TFAP2D: variants seen among roughly 807,000 people sequenced by gnomAD.
TFAP2D encodes transcription factor AP-2 delta, also known as transcription factor AP-2-delta.
TFAP2D carries 9 observed loss-of-function variants against 43.6 expected under a neutral mutation model. That is an observed-to-expected ratio of 0.21 (90% CI 0.12 to 0.36). TFAP2D has a LOEUF of 0.36. Ranked by LOEUF, TFAP2D falls within the 10% of genes least tolerant of loss-of-function variation. The probability of loss-of-function intolerance (pLI) is 1.00; values close to 1 mark genes in which losing one functional copy is unlikely to be tolerated. For synonymous variants in TFAP2D, 256 were observed against 224.9 expected (o/e 1.14, Z -1.24); for missense variants, 513 against 561.4 (o/e 0.91, Z 0.87).
chr6:50,728,771 G>T, intron 3 of TFAP2D, 85 bp from the exon 4 acceptor site: 1 of 1,386,822 alleles, frequency 7.2e-7, no homozygotes, highest in South Asian at 1.3e-5. Flanking sequence ...CCCAAATCCA[G>T]AATAGTCTTT....
intron 5 of TFAP2D, among the ~76,000 whole-genome samples, chr6:50,734,758 G>T (rs569511989): frequency 6.6e-6 from 1 of 152,036 alleles, no homozygotes; most frequent in Non-Finnish European, 1.5e-5. Flanking sequence ...CTCTAGCTTG[G>T]CAGAGTCTTC....
At chr6:50,716,595 A>C (rs750078716) in intron 2 of TFAP2D, among the ~76,000 whole-genome samples, 27 of 152,334 alleles carry the variant, frequency 1.8e-4, no homozygotes, top group Non-Finnish European at 2.6e-4. Context: ...TCTTTACCAA[A>C]GATAGAATTT....
At chr6:50,742,421 G>A (rs143360839) in intron 5 of TFAP2D, among the ~76,000 whole-genome samples, 11 of 152,146 alleles carry the variant, frequency 7.2e-5, no homozygotes, top group South Asian at 4.2e-4. Flanking sequence ...GGACAGATCC[G>A]CAGGAATCAG....
intron 5 of TFAP2D, among the ~76,000 whole-genome samples, chr6:50,734,787 T>A (rs1768940843): frequency 6.6e-6 from 1 of 152,098 alleles, no homozygotes; most frequent in Admixed American, 6.6e-5. Context: ...AACTCTATCA[T>A]ATATAAAGAA....
At chr6:50,722,491 AAAAG>A (rs1768742216) in intron 3 of TFAP2D, among the ~76,000 whole-genome samples, 1 of 152,188 alleles carries the variant, frequency 6.6e-6, no homozygotes, top group Non-Finnish European at 1.5e-5. Flanking sequence ...AATCATTAAA[AAAAG>A]AAAGAAAATC....
chr6:50,766,654 C>CTTTTTTTTTTATTTTTTTTTTT (rs1769446238), intron 7 of TFAP2D, among the ~76,000 whole-genome samples: 1 of 57,384 alleles, frequency 1.7e-5, no homozygotes, highest in Non-Finnish European at 3.5e-5. Context: ...AGATTGCTTT[C>CTTTTTTTTTTATTTTTTTTTTT]TTTTTTTTTT....
At chr6:50,730,227 C>G (rs114951267) in intron 5 of TFAP2D, among the ~76,000 whole-genome samples, 1 of 152,180 alleles carries the variant, frequency 6.6e-6, no homozygotes, top group South Asian at 2.1e-4. Context: ...ATTTTCAATA[C>G]GTAGCATTTA....
intron 3 of TFAP2D, among the ~76,000 whole-genome samples, chr6:50,722,502 A>C (rs1768742430): frequency 1.3e-5 from 2 of 151,808 alleles, no homozygotes; most frequent in Non-Finnish European, 2.9e-5. Flanking sequence ...AAAGAAAGAA[A>C]ATCTCACTCT....
chr6:50,742,692 CA>C (rs1305888778), intron 5 of TFAP2D, among the ~76,000 whole-genome samples: 29 of 152,046 alleles, frequency 1.9e-4, no homozygotes, highest in African/African-American at 6.7e-4. Flanking sequence ...TGAACAATAA[CA>C]ATGTGCAGCT....
intron 5 of TFAP2D, among the ~76,000 whole-genome samples, chr6:50,743,311 C>A (rs779098882): frequency 6.6e-6 from 1 of 151,968 alleles, no homozygotes; most frequent in East Asian, 1.9e-4. Context: ...TTGCTAAGGC[C>A]TAGAACAGGA....
chr6:50,765,955 A>G (rs1769435813), intron 7 of TFAP2D, among the ~76,000 whole-genome samples: 2 of 152,194 alleles, frequency 1.3e-5, no homozygotes, highest in Non-Finnish European at 2.9e-5. Context: ...AATGCCAAAA[A>G]TATTTTTCCT....
At chr6:50,734,492 C>T (rs1330918210) in intron 5 of TFAP2D, among the ~76,000 whole-genome samples, 1 of 151,976 alleles carries the variant, frequency 6.6e-6, no homozygotes, top group African/African-American at 2.4e-5. Context: ...TTATCAGGGA[C>T]TTTTTTATTG....
chr6:50,739,245 C>T (rs761670935), intron 5 of TFAP2D, among the ~76,000 whole-genome samples: 1 of 152,054 alleles, frequency 6.6e-6, no homozygotes, highest in Non-Finnish European at 1.5e-5. Flanking sequence ...CGACAGGCCC[C>T]AATGTGTGAT....
intron 5 of TFAP2D, among the ~76,000 whole-genome samples, chr6:50,742,636 G>C (rs1263471565): frequency 7.0e-6 from 1 of 142,938 alleles, no homozygotes; most frequent in Non-Finnish European, 1.6e-5. Context: ...ATAGATGATA[G>C]ATAGATAGAC....
intron 7 of TFAP2D, among the ~76,000 whole-genome samples, chr6:50,767,346 A>G (rs1769459321): frequency 6.6e-6 from 1 of 152,164 alleles, no homozygotes; most frequent in Admixed American, 6.5e-5. Flanking sequence ...TATTATGTTG[A>G]GGAACATGAT....
intron 7 of TFAP2D, among the ~76,000 whole-genome samples, chr6:50,760,652 A>G (rs1769350703): frequency 6.6e-6 from 1 of 152,038 alleles, no homozygotes; most frequent in African/African-American, 2.4e-5. Context: ...TATGTAGAAA[A>G]TAAGCATCAT....
intron 5 of TFAP2D, among the ~76,000 whole-genome samples, chr6:50,729,713 G>A (rs1768858675): frequency 6.6e-6 from 1 of 152,080 alleles, no homozygotes; most frequent in Admixed American, 6.6e-5. Context: ...CCTTTATGAA[G>A]AGTTCACAGG....
intron 7 of TFAP2D, among the ~76,000 whole-genome samples, chr6:50,759,350 C>A (rs1333891700): frequency 6.6e-6 from 1 of 151,956 alleles, no homozygotes; most frequent in Non-Finnish European, 1.5e-5. Context: ...ACCCGTGTGA[C>A]CTCTGCATGT....
intron 3 of TFAP2D, among the ~76,000 whole-genome samples, chr6:50,726,896 A>T (rs1276733188): frequency 6.6e-6 from 1 of 152,168 alleles, no homozygotes; most frequent in Non-Finnish European, 1.5e-5. Flanking sequence ...GAAGTACAGG[A>T]GAATTTGTTT....
Sources: gnomAD v4.1 joint callset for allele counts (sites outside exome capture counted in the v4.1 genomes callset) on GRCh38, gnomAD v4.1.1 for gene constraint, MANE v1.5 for transcripts, NCBI Gene and HGNC (gene_info 2026-07-23, HGNC 2026-07-21) for gene names.